The following SMAP1 variants were observed in gnomAD, a reference collection of about 807,000 sequenced individuals.
SMAP1 encodes the protein small ArfGAP 1.
Under a neutral mutation model 58.5 loss-of-function variants are expected in SMAP1, and 24 were observed. The observed-to-expected ratio is 0.41, with a 90% confidence interval of 0.30 to 0.58. SMAP1 has a LOEUF of 0.58. Ranked by LOEUF, SMAP1 falls within the 20% of genes least tolerant of loss-of-function variation. SMAP1 has a pLI of 0.29. For missense variants in SMAP1, 563 were observed against 566.3 expected (o/e 0.99, Z 0.06); for synonymous variants, 216 against 196.6 (o/e 1.10, Z -0.82).
chr6:70,716,391 C>A (rs62419703), intron 1 of SMAP1, among the ~76,000 whole-genome samples: 3,442 of 152,214 alleles, frequency 0.023, 59 homozygotes, highest in Non-Finnish European at 0.034. Flanking sequence ...TTATGAGAAT[C>A]TGATGCCACT....
chr6:70,747,300 G>A (rs1766084003), intron 2 of SMAP1, among the ~76,000 whole-genome samples: 2 of 152,090 alleles, frequency 1.3e-5, no homozygotes, highest in Non-Finnish European at 1.5e-5. Context: ...ATCACTGAAC[G>A]CATACCACAA....
intron 4 of SMAP1, among the ~76,000 whole-genome samples, chr6:70,788,336 A>G (rs1335279644): frequency 6.7e-6 from 1 of 149,368 alleles, no homozygotes; most frequent in Non-Finnish European, 1.5e-5. Flanking sequence ...GCATTAGGAG[A>G]TATACCTAAT....
chr6:70,784,867 C>G (rs1582178983), intron 4 of SMAP1, among the ~76,000 whole-genome samples: 1 of 152,232 alleles, frequency 6.6e-6, no homozygotes. Context: ...GACTTTAACA[C>G]CCCACTGTCA....
intron 6 of SMAP1, among the ~76,000 whole-genome samples, chr6:70,831,355 A>C (rs1770350724): frequency 6.6e-6 from 1 of 152,010 alleles, no homozygotes; most frequent in South Asian, 2.1e-4. Flanking sequence ...TGGTGTACAG[A>C]TTATTTTGTC....
intron 4 of SMAP1, among the ~76,000 whole-genome samples, chr6:70,776,882 G>T (rs1767569662): frequency 6.6e-6 from 1 of 152,102 alleles, no homozygotes; most frequent in South Asian, 2.1e-4. Flanking sequence ...TTAAAAATCT[G>T]TTCATCTATT....
intron 6 of SMAP1, among the ~76,000 whole-genome samples, chr6:70,804,816 A>G (rs996274291): frequency 2.6e-5 from 4 of 152,114 alleles, no homozygotes; most frequent in Non-Finnish European, 5.9e-5. Flanking sequence ...AGAATGTTGT[A>G]TATTGACCCC....
At chr6:70,668,414 A>C in intron 1 of SMAP1, 1 of 1,098,452 alleles carries the variant, frequency 9.1e-7, no homozygotes, top group South Asian at 1.8e-5. Context: ...CAGGGTAGCG[A>C]TGCTCGGACC....
chr6:70,679,179 C>A (rs947311358), intron 1 of SMAP1, among the ~76,000 whole-genome samples: 34 of 151,926 alleles, frequency 2.2e-4, no homozygotes, highest in African/African-American at 7.5e-4. Flanking sequence ...CCACCACACC[C>A]GCCTAATTTT....
At chr6:70,768,717 A>AT (rs571115230) in intron 3 of SMAP1, among the ~76,000 whole-genome samples, 4,616 of 152,010 alleles carry the variant, frequency 0.03, 257 homozygotes, top group African/African-American at 0.11. Context: ...GGATTCATTG[A>AT]TTTTTTGAAG....
intron 7 of SMAP1, among the ~76,000 whole-genome samples, chr6:70,841,409 C>T (rs972728670): frequency 1.3e-5 from 2 of 152,128 alleles, no homozygotes; most frequent in Non-Finnish European, 2.9e-5. Flanking sequence ...TCTGGGGGGA[C>T]CGCATCCTCT....
chr6:70,769,310 A>G (rs374239941), intron 3 of SMAP1, among the ~76,000 whole-genome samples: 2 of 152,012 alleles, frequency 1.3e-5, no homozygotes, highest in Admixed American at 6.6e-5. Context: ...TATCCTTGTT[A>G]ACTTTCTGTC....
intron 1 of SMAP1, among the ~76,000 whole-genome samples, chr6:70,679,027 T>C (rs1303688032): frequency 6.6e-6 from 1 of 151,682 alleles, no homozygotes; most frequent in Non-Finnish European, 1.5e-5. Flanking sequence ...TTTGTTTTTT[T>C]TTTTTTGTTT....
chr6:70,741,950 T>C (rs1366572388), intron 2 of SMAP1, among the ~76,000 whole-genome samples: 1 of 152,168 alleles, frequency 6.6e-6, no homozygotes, highest in Non-Finnish European at 1.5e-5. Context: ...ATTGGCCCCT[T>C]TTAGCCGCAG....
chr6:70,732,577 C>T (rs1765472631), intron 2 of SMAP1, 66 bp downstream of exon 2: 4 of 1,318,738 alleles, frequency 3.0e-6, no homozygotes, highest in East Asian at 5.7e-5. Context: ...TTTAACCCTT[C>T]TTGCATCTAA....
At chr6:70,798,532 C>G (rs550972742) in intron 5 of SMAP1, 125 bp from the exon 6 acceptor site, 2 of 646,006 alleles carry the variant, frequency 3.1e-6, no homozygotes, top group Non-Finnish European at 5.2e-6. Context: ...TTCAGTAGCA[C>G]GTAGATATTG....
intron 4 of SMAP1, among the ~76,000 whole-genome samples, chr6:70,790,571 A>G (rs1398017124): frequency 6.6e-6 from 1 of 152,084 alleles, no homozygotes. Context: ...TGTAACTTGC[A>G]TTAATATTCA....
intron 1 of SMAP1, among the ~76,000 whole-genome samples, chr6:70,672,625 A>G (rs1766314985): frequency 6.6e-6 from 1 of 152,202 alleles, no homozygotes; most frequent in Non-Finnish European, 1.5e-5. Flanking sequence ...TAGTATCCCC[A>G]GTTTTCAGGA....
At chr6:70,821,113 AAAATT>A (rs1562184801) in intron 6 of SMAP1, among the ~76,000 whole-genome samples, 2 of 152,074 alleles carry the variant, frequency 1.3e-5, no homozygotes, top group African/African-American at 4.8e-5. Flanking sequence ...TTTAAAGAGA[AAAATT>A]AAGAGGATTA....
intron 6 of SMAP1, among the ~76,000 whole-genome samples, chr6:70,814,415 G>A (rs12215915): frequency 0.51 from 77,666 of 152,016 alleles, 20,253 homozygotes; most frequent in African/African-American, 0.57. Flanking sequence ...AGCAGTGGAT[G>A]TAATAATCTT....
Sources: gnomAD v4.1 joint callset for allele counts (sites outside exome capture counted in the v4.1 genomes callset) on GRCh38, gnomAD v4.1.1 for gene constraint, MANE v1.5 for transcripts, NCBI Gene and HGNC (gene_info 2026-07-23, HGNC 2026-07-21) for gene names.